PTPN12: variants seen among roughly 807,000 people sequenced by gnomAD.
PTPN12 encodes protein tyrosine phosphatase non-receptor type 12, also known as tyrosine-protein phosphatase non-receptor type 12.
PTPN12 carries 29 observed loss-of-function variants against 97.6 expected under a neutral mutation model. That is an observed-to-expected ratio of 0.30 (90% confidence interval 0.22 to 0.41). The LOEUF is 0.41. Among genes scored for constraint, PTPN12 ranks in the 10% least tolerant of loss-of-function variants. The pLI, the probability that PTPN12 is intolerant of heterozygous loss-of-function variation, is 1.00. For missense variants in PTPN12, 819 were observed against 926.0 expected, an observed-to-expected ratio of 0.88 and a Z score of 1.50; for synonymous variants, 327 against 300.4, an observed-to-expected ratio of 1.09 and a Z score of -0.91.
chr7:77,601,564 TATC>T (rs1269282010), intron 8 of PTPN12, among the ~76,000 whole-genome samples: 7 of 152,062 alleles, frequency 4.6e-5, no homozygotes, highest in African/African-American at 9.7e-5. Context: ...TGATCTAAGA[TATC>T]ATCAATTCTA....
intron 14 of PTPN12, 34 bp downstream of exon 14, chr7:77,632,459 T>C: frequency 2.0e-6 from 3 of 1,480,208 alleles, no homozygotes; most frequent in Non-Finnish European, 2.8e-6. Context: ...ATTTACTTCA[T>C]ATTCTAATAA....
intron 14 of PTPN12, among the ~76,000 whole-genome samples, chr7:77,635,386 G>T (rs995251273): frequency 6.6e-6 from 1 of 152,144 alleles, no homozygotes; most frequent in Non-Finnish European, 1.5e-5. Flanking sequence ...CCGAGATCGC[G>T]CCTGGTCAAC....
At position 77,544,113 on chromosome 7, in the gene PTPN12, A is replaced by G. The variant is rs188588629; in HGVS notation, c.99+6468A>G. On this transcript the variant is annotated intron_variant, in intron 1 of 17. Transcript: ENST00000248594. ...AGACTGTTATCCAAAGCTGCTGCAC[A>G]TATTACATTCCAATCAGGAATATAT... Among the ~76,000 whole-genome samples, 25 of 152,314 alleles carry G rather than the reference A, an allele frequency of 1.6e-4. No individual in the cohort carries two copies. The East Asian group carries it at 3.9e-3, about 23-fold the overall frequency.
chr7:77,637,110 A>G, intron 16 of PTPN12, 62 bp downstream of exon 16: 1 of 1,317,312 alleles, frequency 7.6e-7, no homozygotes, highest in Non-Finnish European at 1.1e-6. Context: ...TTTCTACAAA[A>G]TAACATGCTT....
intron 12 of PTPN12, among the ~76,000 whole-genome samples, chr7:77,622,534 C>T (rs1293896781): frequency 6.6e-6 from 1 of 152,096 alleles, no homozygotes; most frequent in African/African-American, 2.4e-5. Flanking sequence ...CTTTGGGAGG[C>T]TGAGGCGGGC....
intron 8 of PTPN12, among the ~76,000 whole-genome samples, chr7:77,604,515 CATCTTTTA>C (rs1788297377): frequency 6.6e-6 from 1 of 151,942 alleles, no homozygotes; most frequent in Non-Finnish European, 1.5e-5. Flanking sequence ...CGCCCAGCCT[CATCTTTTA>C]ATAGTTATAC....
At chr7:77,608,349 T>C (rs957016019) in intron 9 of PTPN12, among the ~76,000 whole-genome samples, 4 of 152,248 alleles carry the variant, frequency 2.6e-5, no homozygotes, top group African/African-American at 4.8e-5. Context: ...ACTCAGTTTA[T>C]TGTTAGTGTT....
At chr7:77,581,397 A>G (rs1357704279) in intron 2 of PTPN12, 30 bp from the exon 3 acceptor site, 1 of 1,455,752 alleles carries the variant, frequency 6.9e-7, no homozygotes. Flanking sequence ...TGTGTCAACC[A>G]TACATATTTT....
At position 77,569,642 on chromosome 7, in the gene PTPN12, G is replaced by A. The variant is rs558753994; in HGVS notation, c.100-1436G>A. Among the ~76,000 whole-genome samples the A allele has an allele frequency of 1.2e-3, 186 of 152,176 alleles. 3 individuals carry two copies. The highest frequency in any genetic ancestry group is 4.3e-3 in the African/African-American group (178 of 41,532). On this transcript the variant is annotated intron_variant, in intron 1 of 17. Transcript: ENST00000248594. ...GAAAATTAGCTGGACCTGGTGGCAC[G>A]CATCTGTAATTCCAGCTACTCAGGA...
chr7:77,627,713 A>G (rs774522131), intron 13 of PTPN12, 38 bp downstream of exon 13: 4 of 1,494,238 alleles, frequency 2.7e-6, no homozygotes, highest in Admixed American at 4.5e-5. Flanking sequence ...TGTCTTTCCT[A>G]TGTGCTAGTC....
chr7:77,573,105 C>CAAAA lies in PTPN12; in HGVS notation c.208+1924_208+1927dup, dbSNP rs1188949235. ...CTCAAAAAAAAAAAAAACAAAAAAACAAAAAAAACCAGTGTACCTAGCACA... is the reference window on the plus strand; with the variant it reads ...CTCAAAAAAAAAAAAAACAAAAAAACAAAAAAAAAAAACCAGTGTACCTAGCACA... On this transcript the variant is annotated intron_variant, in intron 2 of 17. Coordinates refer to ENST00000248594, the MANE Select transcript of PTPN12 (RefSeq NM_002835.4). Among the ~76,000 whole-genome samples the CAAAA allele has an allele frequency of 1.0e-3, 49 of 47,854 alleles. 12 individuals are homozygous for CAAAA. Among genetic ancestry groups the CAAAA allele is most frequent in the Admixed American group, 2.8e-3 (10 of 3,586 alleles). 31.4% of individuals were successfully genotyped at this position (47,854 alleles called of 152,430 possible). A position where few individuals can be genotyped will look rare whatever the true frequency, so the allele number is the denominator to read the frequency against.
chr7:77,619,332 G>A (rs1338990656), intron 12 of PTPN12, among the ~76,000 whole-genome samples: 1 of 152,064 alleles, frequency 6.6e-6, no homozygotes, highest in African/African-American at 2.4e-5. Flanking sequence ...AAAACTTTGG[G>A]GAAAGTTGGG....
intron 3 of PTPN12, among the ~76,000 whole-genome samples, chr7:77,582,511 C>T (rs376580213): frequency 6.6e-6 from 1 of 151,988 alleles, no homozygotes; most frequent in Non-Finnish European, 1.5e-5. Flanking sequence ...AGGCCGGGCA[C>T]GGTGGCTCAT....
intron 6 of PTPN12, among the ~76,000 whole-genome samples, chr7:77,595,876 G>T (rs1788006870): frequency 6.6e-6 from 1 of 152,176 alleles, no homozygotes; most frequent in Non-Finnish European, 1.5e-5. Context: ...ATAGACTGAT[G>T]TAGATTAACA....
intron 1 of PTPN12, among the ~76,000 whole-genome samples, chr7:77,538,553 C>G (rs1806784822): frequency 6.6e-6 from 1 of 151,816 alleles, no homozygotes; most frequent in Admixed American, 6.6e-5. Context: ...CTCCGCCACC[C>G]CCTACTTTCC....
intron 1 of PTPN12, among the ~76,000 whole-genome samples, chr7:77,554,121 A>G (rs1273916684): frequency 6.6e-6 from 1 of 152,104 alleles, no homozygotes. Flanking sequence ...GTGTGCCACC[A>G]ACCCTCAAGT....
intron 1 of PTPN12, among the ~76,000 whole-genome samples, chr7:77,557,080 C>T (rs185200024): frequency 7.2e-5 from 11 of 152,212 alleles, no homozygotes; most frequent in African/African-American, 2.6e-4. Context: ...GATCCTCCCA[C>T]CTCAGCCTCC....
intron 1 of PTPN12, chr7:77,538,896 C>T (rs1042046077): frequency 5.9e-5 from 9 of 152,018 alleles, no homozygotes; most frequent in African/African-American, 1.9e-4. Flanking sequence ...GTGGTTGCTC[C>T]TTAGTCTTGG....
chr7:77,604,377 G>A (rs543967998), intron 8 of PTPN12, among the ~76,000 whole-genome samples: 4 of 151,444 alleles, frequency 2.6e-5, no homozygotes, highest in East Asian at 1.9e-4. Context: ...CACCACACCC[G>A]GTTAATTTTA....
Sources: gnomAD v4.1 joint callset for allele counts (sites outside exome capture counted in the v4.1 genomes callset) on GRCh38, gnomAD v4.1.1 for gene constraint, MANE v1.5 for transcripts, NCBI Gene and HGNC (gene_info 2026-07-23, HGNC 2026-07-21) for gene names.